PHYHIPL: variants seen among roughly 807,000 people sequenced by gnomAD.
The protein encoded by PHYHIPL is phytanoyl-CoA 2-hydroxylase interacting protein like.
PHYHIPL carries 9 observed loss-of-function variants against 33.4 expected under a neutral mutation model. That is an observed-to-expected ratio of 0.27 (90% CI 0.16 to 0.47). PHYHIPL has a LOEUF of 0.47. PHYHIPL is among the 20% of genes least tolerant of loss of function. The pLI is 0.99. For synonymous variants in PHYHIPL, 153 were observed against 154.1 expected (o/e 0.99, Z 0.05); for missense variants, 365 against 460.7 (o/e 0.79, Z 1.90).
intron 1 of PHYHIPL, among the ~76,000 whole-genome samples, chr10:59,189,741 G>A (rs1288858233): frequency 1.3e-5 from 2 of 151,946 alleles, no homozygotes. Context: ...AGAAGAGAAA[G>A]TGGTTATTTC....
chr10:59,180,288 A>G (rs1158020971), intron 1 of PHYHIPL, among the ~76,000 whole-genome samples: 1 of 138,708 alleles, frequency 7.2e-6, no homozygotes, highest in African/African-American at 2.7e-5. Context: ...ATACACACAC[A>G]TATATAATAT....
chr10:59,219,780 A>G (rs1051506622), intron 1 of PHYHIPL, among the ~76,000 whole-genome samples: 3 of 152,164 alleles, frequency 2.0e-5, no homozygotes, highest in Non-Finnish European at 4.4e-5. Flanking sequence ...GTAAGGACAG[A>G]TATAATTTTC....
chr10:59,174,787 C>T (rs568935798), upstream of PHYHIPL, among the ~76,000 whole-genome samples: 2 of 152,308 alleles, frequency 1.3e-5, no homozygotes, highest in South Asian at 2.1e-4. Context: ...TTATAAACCT[C>T]GTGCGTGCTT....
chr10:59,208,672 A>G (rs1163060551), intron 1 of PHYHIPL, among the ~76,000 whole-genome samples: 1 of 152,016 alleles, frequency 6.6e-6, no homozygotes, highest in Non-Finnish European at 1.5e-5. Flanking sequence ...GAAGCTAAGA[A>G]CCTTGAAAAA....
intron 1 of PHYHIPL, among the ~76,000 whole-genome samples, chr10:59,186,002 G>T (rs184447776): frequency 1.3e-5 from 2 of 152,228 alleles, no homozygotes; most frequent in African/African-American, 2.4e-5. Flanking sequence ...GGCTTTTGTT[G>T]CCATTGCTTT....
At chr10:59,190,033 C>T (rs763325831) in intron 1 of PHYHIPL, among the ~76,000 whole-genome samples, 4 of 151,804 alleles carry the variant, frequency 2.6e-5, no homozygotes, top group South Asian at 2.1e-4. Flanking sequence ...TTGTGGAGAA[C>T]GTTTGTTTTA....
At chr10:59,176,549 GA>G (rs11311731), upstream of PHYHIPL, 215,907 of 215,918 alleles carry the variant, frequency 1, 107,948 homozygotes, top group Middle Eastern at 1. Flanking sequence ...TGCGCGCGTC[GA>G]AGCCCTATAC....
chr10:59,190,358 G>T lies in PHYHIPL; in HGVS notation c.106+13399G>T, dbSNP rs559441986. 3.9e-5 allele frequency among the ~76,000 whole-genome samples: 6 copies of T among 152,010 alleles called. No individual in the cohort carries two copies. In the East Asian group the frequency reaches 1.2e-3, roughly 29 times the overall value. ...TCAAGACCAAAAAGAGAAATATTCA[G>T]ATTTTTGTCAAAGTAGAATAATGAA... On this transcript the variant is annotated intron_variant, in intron 1 of 4. Transcript: ENST00000373880.
intron 1 of PHYHIPL, among the ~76,000 whole-genome samples, chr10:59,233,587 C>A (rs2045117706): frequency 6.6e-6 from 1 of 151,680 alleles, no homozygotes; most frequent in Non-Finnish European, 1.5e-5. Flanking sequence ...TCCATCAAAT[C>A]CTGCTCTATA....
upstream of PHYHIPL, among the ~76,000 whole-genome samples, chr10:59,175,118 A>C (rs1455554540): frequency 6.6e-6 from 1 of 152,222 alleles, no homozygotes; most frequent in Non-Finnish European, 1.5e-5. Context: ...TCGAACACAG[A>C]AAATTCACCA....
chr10:59,219,452 C>T (rs1839702840), intron 1 of PHYHIPL, among the ~76,000 whole-genome samples: 2 of 152,078 alleles, frequency 1.3e-5, no homozygotes, highest in Admixed American at 6.6e-5. Flanking sequence ...TTGCAGAGTT[C>T]ATGAAGCTGC....
At chr10:59,206,727 G>C (rs1839293309) in intron 1 of PHYHIPL, 2 of 1,079,780 alleles carry the variant, frequency 1.9e-6, no homozygotes, top group Non-Finnish European at 2.4e-6. Flanking sequence ...ACTAAAAGCT[G>C]TTATGCATTT....
At chr10:59,186,662 T>C (rs1430115162) in intron 1 of PHYHIPL, among the ~76,000 whole-genome samples, 2 of 152,220 alleles carry the variant, frequency 1.3e-5, no homozygotes, top group Non-Finnish European at 2.9e-5. Flanking sequence ...TTTGTAGTTC[T>C]TGAAGAGGTC....
At chr10:59,197,698 T>C (rs1486456723) in intron 1 of PHYHIPL, among the ~76,000 whole-genome samples, 1 of 152,184 alleles carries the variant, frequency 6.6e-6, no homozygotes, top group Non-Finnish European at 1.5e-5. Context: ...AGTCAACACT[T>C]TACTTTTACT....
chr10:59,180,647 G>T (rs993386029), intron 1 of PHYHIPL, among the ~76,000 whole-genome samples: 2 of 151,648 alleles, frequency 1.3e-5, no homozygotes, highest in African/African-American at 4.8e-5. Context: ...CCTTGTCTTT[G>T]TCTCTAACAA....
intron 1 of PHYHIPL, among the ~76,000 whole-genome samples, chr10:59,178,598 A>G (rs1419350480): frequency 6.6e-6 from 1 of 152,196 alleles, no homozygotes; most frequent in Non-Finnish European, 1.5e-5. Context: ...GCAATGATAA[A>G]GCAAAAGCTC....
chr10:59,244,859 C>T (rs1182207290), intron 4 of PHYHIPL, among the ~76,000 whole-genome samples, 198 bp from the exon 5 acceptor site: 2 of 152,158 alleles, frequency 1.3e-5, no homozygotes, highest in African/African-American at 4.8e-5. Context: ...TGTAGCAGCT[C>T]ATCCTTACCT....
At chr10:59,235,389 G>A (rs912608191) in intron 2 of PHYHIPL, among the ~76,000 whole-genome samples, 4 of 151,662 alleles carry the variant, frequency 2.6e-5, no homozygotes, top group African/African-American at 9.7e-5. Context: ...TTCTTATGTT[G>A]CAGTGTTTTC....
chr10:59,225,511 A>G (rs57644082), intron 1 of PHYHIPL, among the ~76,000 whole-genome samples: 3,251 of 152,276 alleles, frequency 0.021, 133 homozygotes, highest in African/African-American at 0.074. Context: ...GTGGTAAGAC[A>G]CTTCTCCATG....
Sources: gnomAD v4.1 joint callset for allele counts (sites outside exome capture counted in the v4.1 genomes callset) on GRCh38, gnomAD v4.1.1 for gene constraint, MANE v1.5 for transcripts, NCBI Gene and HGNC (gene_info 2026-07-23, HGNC 2026-07-21) for gene names.